The following PCDHA10 variants were observed in gnomAD, a reference collection of about 807,000 sequenced individuals.
PCDHA10 encodes the protein protocadherin alpha 10.
PCDHA10 carries 45 observed loss-of-function variants against 61.2 expected under a neutral mutation model. The observed-to-expected ratio is 0.74, with a 90% CI of 0.58 to 0.94. The LOEUF (loss-of-function observed/expected upper bound fraction) is 0.94, where lower values mean the gene tolerates loss of function less well. PCDHA10 is among the 40% of genes least tolerant of loss of function. PCDHA10 has a pLI of 0.00. For synonymous variants in PCDHA10, 602 were observed against 548.8 expected (o/e 1.10, Z -1.35); for missense variants, 1,278 against 1,236.2 (o/e 1.03, Z -0.51).
chr5:140,956,585 T>G (rs1004549488), intron 1 of PCDHA10, among the ~76,000 whole-genome samples: 4 of 152,198 alleles, frequency 2.6e-5, no homozygotes, highest in Non-Finnish European at 5.9e-5. Flanking sequence ...CATTGATGCT[T>G]ATCAGGGATA....
chr5:140,876,660 G>A, intron 1 of PCDHA10: 1 of 1,614,216 alleles, frequency 6.2e-7, no homozygotes, highest in Non-Finnish European at 8.5e-7. Flanking sequence ...TTCCCTTCAA[G>A]CTGGTGTCCA....
intron 1 of PCDHA10, chr5:140,877,884 C>T: frequency 6.8e-7 from 1 of 1,465,050 alleles, no homozygotes; most frequent in Non-Finnish European, 9.0e-7. Context: ...CCTTGAAGAA[C>T]TTCCGTTTAG....
intron 1 of PCDHA10, among the ~76,000 whole-genome samples, chr5:140,906,808 C>A (rs902394073): frequency 6.6e-6 from 1 of 152,214 alleles, no homozygotes; most frequent in Non-Finnish European, 1.5e-5. Flanking sequence ...CTCTTCCTTA[C>A]CTCCACTGTG....
chr5:140,968,741 A>T, intron 1 of PCDHA10: 1 of 1,614,106 alleles, frequency 6.2e-7, no homozygotes, highest in Non-Finnish European at 8.5e-7. Context: ...TTTCAACCTG[A>T]CCGTGGTGGT....
At chr5:140,938,947 A>AT (rs1554212493) in intron 1 of PCDHA10, among the ~76,000 whole-genome samples, 1 of 152,094 alleles carries the variant, frequency 6.6e-6, no homozygotes, top group Non-Finnish European at 1.5e-5. Flanking sequence ...CATTCTTATA[A>AT]TGCTCTAGTC....
In PCDHA10 at chr5:140,990,870, T is replaced by G. The variant is rs550033552; in HGVS notation, c.2536+8307T>G. Among the ~76,000 whole-genome samples, 16 of 152,274 alleles carry G rather than the reference T, an allele frequency of 1.1e-4. No individual in the cohort carries two copies. The South Asian group carries it at 3.3e-3, about 32-fold the overall frequency. On this transcript the variant is annotated intron_variant, in intron 3 of 3. Coordinates refer to ENST00000307360, the MANE Select transcript of PCDHA10 (RefSeq NM_018901.4). ...AGCCCTGAGGACATTGTATTTTAAG[T>G]GTATGTTCCAGTGAGTGGGTCGTTG...
At chr5:140,908,248 C>G (rs2073877594) in intron 1 of PCDHA10, among the ~76,000 whole-genome samples, 2 of 152,154 alleles carry the variant, frequency 1.3e-5, no homozygotes, top group South Asian at 4.1e-4. Context: ...TCCTCATCAA[C>G]TGATCATAGG....
chr5:140,873,888 T>C (rs1225763068), intron 1 of PCDHA10, among the ~76,000 whole-genome samples: 2 of 152,232 alleles, frequency 1.3e-5, no homozygotes, highest in African/African-American at 4.8e-5. Flanking sequence ...CTTGAACTCC[T>C]GACCTCAGGT....
At chr5:140,908,429 G>A (rs575934093) in intron 1 of PCDHA10, among the ~76,000 whole-genome samples, 1 of 152,280 alleles carries the variant, frequency 6.6e-6, no homozygotes, top group African/African-American at 2.4e-5. Flanking sequence ...ATGCTGCTGT[G>A]CGCACCCCAC....
In PCDHA10 at chr5:140,870,881, T is replaced by C. The variant is rs782030647; in HGVS notation, c.2388+12445T>C. 3.7e-6 allele frequency: 6 copies of C among 1,613,870 alleles called. No individual in the cohort carries two copies. The South Asian group carries it at 5.5e-5, about 15-fold the overall frequency. On this transcript the variant is annotated intron_variant, in intron 1 of 3. Transcript: ENST00000307360. ...GGTGCGGGCCACGTGGTGGCGAAGG[T>C]GCGCGCAGTGGATGCGGACTCAGGC...
At chr5:140,915,646 C>A (rs2077236708) in intron 1 of PCDHA10, among the ~76,000 whole-genome samples, 1 of 151,916 alleles carries the variant, frequency 6.6e-6, no homozygotes, top group Non-Finnish European at 1.5e-5. Flanking sequence ...CTCTCTCTCT[C>A]TCTCTCTCTC....
chr5:140,992,470 G>T (rs1027762445), intron 3 of PCDHA10, among the ~76,000 whole-genome samples: 2 of 152,192 alleles, frequency 1.3e-5, no homozygotes, highest in African/African-American at 4.8e-5. Context: ...GTACTCTTTA[G>T]ATCACCCAGA....
chr5:140,930,654 C>T (rs1229167848), intron 1 of PCDHA10, among the ~76,000 whole-genome samples: 1 of 152,106 alleles, frequency 6.6e-6, no homozygotes, highest in Non-Finnish European at 1.5e-5. Context: ...ATGAAGCATT[C>T]CTTGTTTTAC....
intron 1 of PCDHA10, chr5:140,882,487 C>G: frequency 6.2e-7 from 1 of 1,614,054 alleles, no homozygotes; most frequent in Non-Finnish European, 8.5e-7. Flanking sequence ...GACACGGGGA[C>G]CTTCTGGAGG....
chr5:140,863,266 G>T, intron 1 of PCDHA10: 2 of 1,458,576 alleles, frequency 1.4e-6, no homozygotes, highest in Non-Finnish European at 1.9e-6. Context: ...CCGGGAGGCA[G>T]CGCTGGTGGA....
At chr5:140,870,836 A>C in intron 1 of PCDHA10, 1 of 1,613,796 alleles carries the variant, frequency 6.2e-7, no homozygotes, top group Non-Finnish European at 8.5e-7. Flanking sequence ...GCAGTTAACA[A>C]GCTAGTACCG....
chr5:140,900,063 G>A (rs1554188862), intron 1 of PCDHA10, among the ~76,000 whole-genome samples: 3 of 152,122 alleles, frequency 2.0e-5, no homozygotes, highest in African/African-American at 7.2e-5. Context: ...TTTAACCTCA[G>A]CCTCCAAAAG....
intron 1 of PCDHA10, chr5:140,877,053 G>A: frequency 1.9e-6 from 3 of 1,612,784 alleles, no homozygotes; most frequent in African/African-American, 1.3e-5. Context: ...ACCACGAGGA[G>A]CTGGAGCTGC....
intron 1 of PCDHA10, among the ~76,000 whole-genome samples, chr5:140,962,725 T>C (rs536695569): frequency 3.2e-4 from 48 of 152,210 alleles, no homozygotes; most frequent in Non-Finnish European, 5.9e-4. Flanking sequence ...AGTATTTTCC[T>C]TCTGGGGATG....
Sources: allele counts gnomAD v4.1 joint callset (sites outside exome capture counted in the v4.1 genomes callset), GRCh38; gene constraint gnomAD v4.1.1; transcripts MANE v1.5; gene names NCBI Gene and HGNC (gene_info 2026-07-23, HGNC 2026-07-21).